The following UBE2V2 variants were observed in gnomAD, a reference collection of about 807,000 sequenced individuals.
UBE2V2 encodes the protein ubiquitin conjugating enzyme E2 V2, also known as ubiquitin-conjugating enzyme E2 variant 2.
A neutral mutation model predicts 17.2 loss-of-function variants in UBE2V2; 9 were observed. The observed-to-expected ratio is 0.52, with a 90% CI of 0.32 to 0.91. UBE2V2 has a LOEUF of 0.91. UBE2V2 is among the 40% of genes least tolerant of loss of function. The pLI, the probability that UBE2V2 is intolerant of heterozygous loss-of-function variation, is 0.04. For missense variants in UBE2V2, 133 were observed against 182.6 expected (o/e 0.73, Z 1.56); for synonymous variants, 61 against 57.5 (o/e 1.06, Z -0.28).
upstream of UBE2V2, among the ~76,000 whole-genome samples, chr8:48,006,844 G>C (rs1053580372): frequency 6.6e-6 from 1 of 151,994 alleles, no homozygotes; most frequent in Admixed American, 6.6e-5. Context: ...TACTGAATGG[G>C]CGAAAACTGG....
At chr8:48,003,663 A>T (rs1214313251), upstream of UBE2V2, among the ~76,000 whole-genome samples, 2 of 152,192 alleles carry the variant, frequency 1.3e-5, no homozygotes, top group Non-Finnish European at 2.9e-5. Flanking sequence ...TCTGATTTTC[A>T]TGTTACAGAG....
the UBE2V2 span, among the ~76,000 whole-genome samples, chr8:47,999,696 C>A: frequency 6.6e-6 from 1 of 152,050 alleles, no homozygotes; most frequent in African/African-American, 2.4e-5. Flanking sequence ...CATCTGGTAC[C>A]AAGCTTCTTT....
At chr8:48,050,722 C>G (rs1251317251) in intron 3 of UBE2V2, among the ~76,000 whole-genome samples, 1 of 149,224 alleles carries the variant, frequency 6.7e-6, no homozygotes, top group Non-Finnish European at 1.5e-5. Context: ...ATCATTATTT[C>G]TCTTTGAATG....
chr8:48,035,130 T>C, intron 1 of UBE2V2: 1 of 963,226 alleles, frequency 1.0e-6, no homozygotes, highest in Non-Finnish European at 1.2e-6. Flanking sequence ...TTTTTTTTTT[T>C]TTGGAGGTGG....
At chr8:48,045,168 A>G (rs182380077) in intron 2 of UBE2V2, among the ~76,000 whole-genome samples, 155 of 152,326 alleles carry the variant, frequency 1.0e-3, no homozygotes, top group Non-Finnish European at 1.9e-3. Flanking sequence ...GCTGCAGGAG[A>G]GAAAAGGTCA....
intron 1 of UBE2V2, among the ~76,000 whole-genome samples, chr8:48,023,154 G>T (rs1413755916): frequency 2.6e-5 from 4 of 151,488 alleles, no homozygotes; most frequent in Non-Finnish European, 4.4e-5. Context: ...CCTTCAACCT[G>T]TAGCCATATA....
At chr8:48,035,659 G>GTGTA (rs1181021534) in intron 1 of UBE2V2, among the ~76,000 whole-genome samples, 2 of 119,014 alleles carry the variant, frequency 1.7e-5, no homozygotes, top group Admixed American at 8.4e-5. Flanking sequence ...GTGTGTGTGT[G>GTGTA]TATATGTATG....
chr8:48,000,614 G>C, the UBE2V2 span, among the ~76,000 whole-genome samples: 13 of 152,128 alleles, frequency 8.5e-5, 1 homozygote, highest in Middle Eastern at 3.4e-3. Flanking sequence ...GAGGTCAGGA[G>C]ATAGAGACCA....
In UBE2V2 at chr8:48,043,274, A is replaced by T. The variant is rs953771958; in HGVS notation, c.165+93A>T. ...ATTGATATTAAAATAAGCAATTATG[A>T]TAACTTCTAAAATAGTTCCTTTTTA... On this transcript the variant is annotated intron_variant, in intron 2 of 3. Coordinates refer to ENST00000523111, the MANE Select transcript of UBE2V2 (RefSeq NM_003350.3). 1.1e-5 allele frequency: 11 copies of T among 1,004,886 alleles called. No individual in the cohort carries two copies. In the African/African-American group the frequency reaches 1.5e-4, roughly 14 times the overall value. 62.2% of individuals were successfully genotyped at this position (1,004,886 alleles called of 1,614,324 possible). A position where few individuals can be genotyped will look rare whatever the true frequency, so the allele number is the denominator to read the frequency against.
At chr8:48,022,873 A>G (rs1451079272) in intron 1 of UBE2V2, among the ~76,000 whole-genome samples, 1 of 151,530 alleles carries the variant, frequency 6.6e-6, no homozygotes, top group Non-Finnish European at 1.5e-5. Context: ...TCTTGGGCTT[A>G]AGTGATCTGC....
chr8:48,035,410 C>G (rs1051328029), intron 1 of UBE2V2, among the ~76,000 whole-genome samples: 1 of 151,814 alleles, frequency 6.6e-6, no homozygotes, highest in Non-Finnish European at 1.5e-5. Context: ...CATGAGCCAC[C>G]GCGCCCTGCC....
chr8:48,050,072 A>G (rs1280879172), intron 3 of UBE2V2, 94 bp downstream of exon 3: 6 of 922,422 alleles, frequency 6.5e-6, no homozygotes, highest in African/African-American at 1.7e-5. Context: ...AGATATTAAT[A>G]TGTAGTTAGG....
intron 1 of UBE2V2, among the ~76,000 whole-genome samples, chr8:48,040,397 A>G (rs1194582987): frequency 3.3e-5 from 5 of 152,316 alleles, no homozygotes; most frequent in South Asian, 2.1e-4. Flanking sequence ...AAATAATGAT[A>G]ATAATATTTT....
At chr8:48,021,351 C>T (rs1437209501) in intron 1 of UBE2V2, among the ~76,000 whole-genome samples, 23 of 146,566 alleles carry the variant, frequency 1.6e-4, no homozygotes, top group South Asian at 2.2e-4. Flanking sequence ...CTGTCGCCCA[C>T]GCTGGAGTGC....
chr8:48,050,048 C>G, intron 3 of UBE2V2, 70 bp downstream of exon 3: 1 of 1,065,936 alleles, frequency 9.4e-7, no homozygotes, highest in Non-Finnish European at 1.3e-6. Flanking sequence ...CGTACACACA[C>G]CATAATATAT....
upstream of UBE2V2, among the ~76,000 whole-genome samples, chr8:48,004,441 G>A (rs1419600824): frequency 1.3e-5 from 2 of 151,620 alleles, no homozygotes; most frequent in Non-Finnish European, 2.9e-5. Flanking sequence ...TCTCATTTTG[G>A]CTTGTCAAGT....
At chr8:48,035,917 T>G (rs2091421485) in intron 1 of UBE2V2, among the ~76,000 whole-genome samples, 1 of 151,050 alleles carries the variant, frequency 6.6e-6, no homozygotes, top group Non-Finnish European at 1.5e-5. Context: ...GTTGTATACC[T>G]TGTAATTATT....
chr8:48,019,005 C>T lies in UBE2V2; in HGVS notation c.16+10535C>T, dbSNP rs182048219. Among the ~76,000 whole-genome samples, 354 of 151,678 alleles carry T rather than the reference C, an allele frequency of 2.3e-3. 2 individuals are homozygous for T. The highest frequency in any genetic ancestry group is 7.6e-3 in the African/African-American group (315 of 41,346). Reference sequence around the variant, plus strand: ...CAGCACTTTGGGAGGCCGAGGCGGGCGGATCACTTGAGATCAGGAGTTCAA... The same window carrying T: ...CAGCACTTTGGGAGGCCGAGGCGGGTGGATCACTTGAGATCAGGAGTTCAA... On this transcript the variant is annotated intron_variant, in intron 1 of 3. Transcript: ENST00000523111.
chr8:48,057,495 G>A (rs1004242493), intron 3 of UBE2V2, among the ~76,000 whole-genome samples: 5 of 152,022 alleles, frequency 3.3e-5, no homozygotes, highest in African/African-American at 1.2e-4. Context: ...AGAGACGGGG[G>A]TTTTGCCATG....
Sources: allele counts gnomAD v4.1 joint callset (sites outside exome capture counted in the v4.1 genomes callset), GRCh38; gene constraint gnomAD v4.1.1; transcripts MANE v1.5; gene names NCBI Gene and HGNC (gene_info 2026-07-23, HGNC 2026-07-21).